COL4A1: variants seen among roughly 807,000 people sequenced by gnomAD.
COL4A1 encodes the protein collagen type IV alpha 1 chain.
A neutral mutation model predicts 216.6 loss-of-function variants in COL4A1; 40 were observed. The observed-to-expected ratio is 0.18, with a 90% CI of 0.14 to 0.24. The LOEUF (loss-of-function observed/expected upper bound fraction) is 0.24. Among genes scored for constraint, COL4A1 ranks in the 10% least tolerant of loss-of-function variants. COL4A1 has a pLI of 1.00. For missense variants in COL4A1, 1,628 were observed against 2,196.8 expected, an observed-to-expected ratio of 0.74 and a Z score of 5.18; for synonymous variants, 839 against 810.7, an observed-to-expected ratio of 1.03 and a Z score of -0.59.
intron 1 of COL4A1, among the ~76,000 whole-genome samples, chr13:110,290,875 CACTCTGCT>C (rs1395896326): frequency 6.6e-6 from 1 of 152,214 alleles, no homozygotes; most frequent in Non-Finnish European, 1.5e-5. Context: ...TGACGCTGGG[CACTCTGCT>C]ACTCTCTTTG....
chr13:110,264,589 A>T (rs1234045346), intron 1 of COL4A1, among the ~76,000 whole-genome samples: 1 of 152,250 alleles, frequency 6.6e-6, no homozygotes, highest in Non-Finnish European at 1.5e-5. Flanking sequence ...AATCTACCAA[A>T]GAATGCCAAC....
intron 1 of COL4A1, among the ~76,000 whole-genome samples, chr13:110,301,064 TC>T (rs1211281470): frequency 6.6e-6 from 1 of 152,206 alleles, no homozygotes; most frequent in East Asian, 1.9e-4. Context: ...CATAAAGTGT[TC>T]AGCAGTGTAC....
Position 110,186,459 on chromosome 13 carries a change from T to C in COL4A1, c.1823A>G (p.Tyr608Cys). The change falls in exon 26 of 52, where the codon TAT becomes TGT. Residue 608 changes from tyrosine to cysteine, a missense_variant. By Grantham distance (194) the Tyr-to-Cys change is radical (BLOSUM62 -2). Transcript: ENST00000375820. ...GTCACCAATGGGACCAGCAGGACCA[T>C]ATCCTGGAGGCCCAGGGGGGCCGGT... ...GDTGPPGPPGYGPAGPIGDKG... is the reference protein window; with the variant it reads ...GDTGPPGPPGCGPAGPIGDKG... The C allele has an allele frequency of 6.2e-7, 1 of 1,613,716 alleles. No homozygotes were observed.
chr13:110,224,398 C>G (rs1238842820), intron 2 of COL4A1, among the ~76,000 whole-genome samples: 5 of 152,350 alleles, frequency 3.3e-5, no homozygotes, highest in African/African-American at 1.2e-4. Context: ...TCTTGGCTCA[C>G]TGTAACCTCC....
intron 1 of COL4A1, among the ~76,000 whole-genome samples, chr13:110,261,535 T>C (rs1418581275): frequency 6.6e-6 from 1 of 152,168 alleles, no homozygotes; most frequent in Non-Finnish European, 1.5e-5. Context: ...GTGGAGTTCC[T>C]CAAAATTTAA....
chr13:110,280,011 C>T (rs1256950602), intron 1 of COL4A1, among the ~76,000 whole-genome samples: 1 of 152,188 alleles, frequency 6.6e-6, no homozygotes, highest in Non-Finnish European at 1.5e-5. Context: ...ATTCTCCCTT[C>T]CTGATATTCC....
intron 1 of COL4A1, among the ~76,000 whole-genome samples, chr13:110,261,323 C>T (rs1251596237): frequency 1.3e-5 from 2 of 152,212 alleles, no homozygotes; most frequent in African/African-American, 4.8e-5. Flanking sequence ...AAGCTATTAG[C>T]TCTTGGGCAA....
chr13:110,241,186 G>A (rs1158816677), intron 2 of COL4A1, among the ~76,000 whole-genome samples: 2 of 152,138 alleles, frequency 1.3e-5, no homozygotes, highest in Non-Finnish European at 2.9e-5. Flanking sequence ...ATATATATAA[G>A]TTTATAGATG....
At chr13:110,247,790 CGTGTGTGTGTGTGTGTGTGTGTGTGTGT>C (rs56086913) in intron 1 of COL4A1, among the ~76,000 whole-genome samples, 1 of 57,756 alleles carries the variant, frequency 1.7e-5, no homozygotes, top group Non-Finnish European at 3.3e-5. Context: ...CTATGCTACT[CGTGTGTGTGTGTGTGTGTGTGTGTGTGT>C]GTGTGTGTGT....
At chr13:110,273,264 G>C (rs1260099232) in intron 1 of COL4A1, among the ~76,000 whole-genome samples, 1 of 152,206 alleles carries the variant, frequency 6.6e-6, no homozygotes, top group East Asian at 1.9e-4. Flanking sequence ...GAAGGTCCCT[G>C]CTAACGCGGG....
chr13:110,282,527 G>A (rs1328916612), intron 1 of COL4A1, among the ~76,000 whole-genome samples: 1 of 152,214 alleles, frequency 6.6e-6, no homozygotes, highest in Non-Finnish European at 1.5e-5. Flanking sequence ...GCAATGGCAA[G>A]CTGGTTTCAA....
At chr13:110,210,875 C>T (rs1879761609) in intron 8 of COL4A1, among the ~76,000 whole-genome samples, 1 of 152,136 alleles carries the variant, frequency 6.6e-6, no homozygotes, top group African/African-American at 2.4e-5. Flanking sequence ...GACTACAACT[C>T]CACCCCTTCT....
intron 25 of COL4A1, 68 bp from the exon 26 acceptor site, chr13:110,186,621 T>G: frequency 6.3e-7 from 1 of 1,580,640 alleles, no homozygotes; most frequent in Non-Finnish European, 8.6e-7. Flanking sequence ...TATCGCATTC[T>G]TCTGACATTT....
rs1879794663 is a variant in COL4A1 at position 110,211,531 on chromosome 13, G to A, written c.468+116C>T. ...TTCATGTAACAGAGTTTAGGGAAGTGTGTTCAGAAACAATCGATCAGCCAA... is the reference window on the plus strand; with the variant it reads ...TTCATGTAACAGAGTTTAGGGAAGTATGTTCAGAAACAATCGATCAGCCAA... On this transcript the variant is annotated intron_variant, in intron 8 of 51. Transcript: ENST00000375820. The surrounding 1 kb of genome is among the most constrained non-coding windows in gnomAD (Gnocchi z 4.3). The A allele has an allele frequency of 2.1e-6, 2 of 937,186 alleles. No homozygotes were observed. The highest frequency in any genetic ancestry group is 2.3e-5 in the Admixed American group (1 of 44,288). The allele number at this position is 937,186 out of a possible 1,614,324, so 58.1% of individuals were successfully genotyped here.
At chr13:110,259,096 C>A (rs1041140951) in intron 1 of COL4A1, among the ~76,000 whole-genome samples, 1 of 152,238 alleles carries the variant, frequency 6.6e-6, no homozygotes, top group Non-Finnish European at 1.5e-5. Context: ...CTGACGCGTG[C>A]GCCCTTTGCT....
chr13:110,185,329 A>C (rs2139172062), intron 26 of COL4A1, among the ~76,000 whole-genome samples: 1 of 151,770 alleles, frequency 6.6e-6, no homozygotes, highest in South Asian at 2.1e-4. Context: ...TATTTTTAGT[A>C]GAGATGGGGT....
chr13:110,184,649 A>G (rs949870054), intron 26 of COL4A1, among the ~76,000 whole-genome samples: 5 of 152,078 alleles, frequency 3.3e-5, no homozygotes, highest in African/African-American at 7.2e-5. Flanking sequence ...ACTGGCTGAC[A>G]TTTCCCATAC....
At chr13:110,174,837 G>A in intron 37 of COL4A1, 88 bp from the exon 38 acceptor site, 1 of 1,266,682 alleles carries the variant, frequency 7.9e-7, no homozygotes, top group South Asian at 1.2e-5. Flanking sequence ...ATACATTTTG[G>A]TGCAATGAAT....
At chr13:110,201,707 G>A (rs767128165) in intron 18 of COL4A1, 185 bp from the exon 19 acceptor site, 18 of 747,766 alleles carry the variant, frequency 2.4e-5, no homozygotes, top group Admixed American at 3.4e-5. Flanking sequence ...GGGACAGGCC[G>A]GTGCGGTGGC....
Sources: gnomAD v4.1 joint callset for allele counts (sites outside exome capture counted in the v4.1 genomes callset) on GRCh38, gnomAD v4.1.1 for gene constraint, Gnocchi (gnomAD v3.1) non-coding constraint, MANE v1.5 for transcripts, NCBI Gene and HGNC (gene_info 2026-07-23, HGNC 2026-07-21) for gene names.